ARHGEF19: variants seen among roughly 807,000 people sequenced by gnomAD.
ARHGEF19 encodes the protein Rho guanine nucleotide exchange factor (GEF) 19.
Under a neutral mutation model 87.6 loss-of-function variants are expected in ARHGEF19, and 92 were observed. The observed-to-expected ratio is 1.05, with a 90% CI of 0.89 to 1.25. The LOEUF (loss-of-function observed/expected upper bound fraction) is 1.25. ARHGEF19 is among the 50% of genes most tolerant of loss of function. The probability of loss-of-function intolerance (pLI) is 0.00; values close to 1 mark genes in which losing one functional copy is unlikely to be tolerated. For synonymous variants in ARHGEF19, 438 were observed against 446.2 expected, an observed-to-expected ratio of 0.98 and a Z score of 0.23; for missense variants, 1,054 against 1,051.8, an observed-to-expected ratio of 1.00 and a Z score of -0.03.
chr1:16,201,485 G>A (rs2081082989), intron 14 of ARHGEF19, among the ~76,000 whole-genome samples: 2 of 152,174 alleles, frequency 1.3e-5, no homozygotes, highest in Non-Finnish European at 2.9e-5. Context: ...TTACTGGCTG[G>A]GTGAACTTAC....
chr1:16,199,146 T>G lies in ARHGEF19; in HGVS notation c.2251+4A>C. 1 of 1,613,848 alleles carries G rather than the reference T, an allele frequency of 6.2e-7. No individual in the cohort carries two copies. The highest frequency in any genetic ancestry group is 1.1e-5 in the South Asian group (1 of 91,078). On this transcript the variant is annotated splice_donor_region_variant and intron_variant, in intron 15 of 15. Coordinates refer to ENST00000270747, the MANE Select transcript of ARHGEF19 (RefSeq NM_153213.5). ...AGGGACACTTTCCCAGGAGGCCCCC[T>G]CACCGTCACTGGTCCAGGTCCTCAC...
Position 16,207,944 on chromosome 1 carries a change from C to A in ARHGEF19, c.694G>T (p.Gly232Trp). 1 of 1,606,922 alleles carries A rather than the reference C, an allele frequency of 6.2e-7. No individual in the cohort carries two copies. The change falls in exon 3 of 16, where the codon GGG (glycine) becomes TGG (tryptophan). Residue 232 changes from glycine (G) to tryptophan (W), a missense_variant and splice_region_variant. Physicochemically the swap from Gly to Trp is radical, Grantham distance 184 (BLOSUM62 -2). Transcript: ENST00000270747. This position sits in a 1 kb window ranked among gnomAD's most constrained non-coding sequence, Gnocchi z 4.0. ...CAGGGCCCATGGGAGGAGCTGGTAC[C>A]TTCCCGGGCTGCTCCGGTGCCTGAC... is the stretch of plus-strand genomic sequence containing the variant. ...SGSGTGAARE[G>W]KASGMEARSV...
chr1:16,202,537 C>T lies in ARHGEF19; in HGVS notation c.1945G>A (p.Ala649Thr). Residue 649 changes from alanine (A) to threonine (T), a missense_variant, in exon 13 of 16, where the codon GCT becomes ACT. Transcript: ENST00000270747. ...KFAVFVHAKM[A>T]ELQVRDLSLK... Reference sequence around the variant, plus strand: ...CTCAGGTCCCGCACCTGCAGCTCAGCCATCTTGGCATGGACGAAAACGGCA... The same window carrying T: ...CTCAGGTCCCGCACCTGCAGCTCAGTCATCTTGGCATGGACGAAAACGGCA... 1 of 1,614,150 alleles carries T rather than the reference C, an allele frequency of 6.2e-7. No individual in the cohort carries two copies. Among genetic ancestry groups the T allele is most frequent in the Non-Finnish European group, 8.5e-7 (1 of 1,179,988 alleles).
rs749606046 is a variant in ARHGEF19, at chr1:16,206,998, C to A, written c.1087G>T (p.Gly363Cys). Residue 363 changes from glycine (G) to cysteine (C), a missense_variant, in exon 6 of 16, where the codon GGC becomes TGC. By Grantham distance (159) the Gly-to-Cys change is radical (BLOSUM62 -3). Transcript: ENST00000270747. This position sits in a 1 kb window ranked among gnomAD's most constrained non-coding sequence, Gnocchi z 4.6. ...SLWQDIPDVR[G>C]SGVLATLSLR... ...CTCAGCGTGGCCAGGACGCCGCTGCCGCGTACGTCGGGGATATCCTGCCAC... is the reference window on the plus strand; with the variant it reads ...CTCAGCGTGGCCAGGACGCCGCTGCAGCGTACGTCGGGGATATCCTGCCAC... 1.3e-6 allele frequency: 2 copies of A among 1,517,230 alleles called. No individual in the cohort carries two copies. Among genetic ancestry groups the A allele is most frequent in the Admixed American group, 2.1e-5 (1 of 47,612 alleles). The allele number at this position is 1,517,230 out of a possible 1,614,324, so 94.0% of individuals were successfully genotyped here. A position where few individuals can be genotyped will look rare whatever the true frequency, so the allele number is the denominator to read the frequency against.
chr1:16,208,637 A>G lies in ARHGEF19; in HGVS notation c.412+6T>C. ...ACCCACACCCGCCTTCCCCAGGGTG[A>G]CTCACAGGCAGACTTCTTCTCCGAG... On this transcript the variant is annotated splice_donor_region_variant and intron_variant, in intron 2 of 15. Transcript: ENST00000270747. 1 of 1,596,502 alleles carries G rather than the reference A, an allele frequency of 6.3e-7. No homozygotes were observed. Among genetic ancestry groups the G allele is most frequent in the Non-Finnish European group, 8.5e-7 (1 of 1,174,484 alleles).
Position 16,207,972 on chromosome 1 carries a change from A to G in ARHGEF19, c.666T>C (p.Ser222=). 1 of 1,577,192 alleles carries G rather than the reference A, an allele frequency of 6.3e-7. No individual in the cohort carries two copies. The highest frequency in any genetic ancestry group is 8.6e-7 in the Non-Finnish European group (1 of 1,163,354). The change falls in exon 3 of 16, where the codon TCT becomes TCC. Residue 222 remains serine, a synonymous_variant. Coordinates refer to ENST00000270747, the MANE Select transcript of ARHGEF19 (RefSeq NM_153213.5). This position sits in a 1 kb window ranked among gnomAD's most constrained non-coding sequence, Gnocchi z 4.0. ...CCCGGGCTGCTCCGGTGCCTGACCCAGAGATGAGTGCCCGGGCTGCTGAAT... is the reference window on the plus strand; with the variant it reads ...CCCGGGCTGCTCCGGTGCCTGACCCGGAGATGAGTGCCCGGGCTGCTGAAT... ...GRNSAARALI[S]GSGTGAAREG...
chr1:16,210,084 C>T (rs963542164), intron 1 of ARHGEF19, among the ~76,000 whole-genome samples: 2 of 152,262 alleles, frequency 1.3e-5, no homozygotes, highest in African/African-American at 4.8e-5. Context: ...GAGGCCCAAG[C>T]CCCCACAGCT....
At position 16,198,331 on chromosome 1, in the gene ARHGEF19, C is replaced by A. The variant is rs2081057297; in HGVS notation, c.*256G>T. The A allele has an allele frequency of 2.7e-6, 1 of 364,456 alleles. No homozygotes were observed. Among genetic ancestry groups the A allele is most frequent in the East Asian group, 4.3e-5 (1 of 23,502 alleles). 22.6% of individuals were successfully genotyped at this position (364,456 alleles called of 1,614,324 possible). ...GAGGGCCCCAGTCTTTGCCAGGTATCAGTGATCACCTGTTATGGTCCCCAT... is the reference window on the plus strand; with the variant it reads ...GAGGGCCCCAGTCTTTGCCAGGTATAAGTGATCACCTGTTATGGTCCCCAT... On this transcript the variant is annotated 3_prime_UTR_variant, in exon 16 of 16. Transcript: ENST00000270747. The surrounding 1 kb of genome is among the most constrained non-coding windows in gnomAD (Gnocchi z 4.1).
intron 12 of ARHGEF19, among the ~76,000 whole-genome samples, chr1:16,203,035 T>C (rs1292568067): frequency 2.0e-5 from 3 of 152,126 alleles, no homozygotes; most frequent in Non-Finnish European, 4.4e-5. Flanking sequence ...AAGAGCCAAC[T>C]GGACAGCTCC....
In ARHGEF19 at chr1:16,208,145, C is replaced by T. The variant is rs769946125; in HGVS notation, c.493G>A (p.Val165Ile). The change falls in exon 3 of 16, where the codon GTA becomes ATA. Residue 165 changes from valine to isoleucine, a missense_variant. Transcript: ENST00000270747. ...GTGCTCAGGGCCTGCTCTTGCACTACCTGGCCAGGCTCTAGGAAGACAGCG... is the reference window on the plus strand; with the variant it reads ...GTGCTCAGGGCCTGCTCTTGCACTATCTGGCCAGGCTCTAGGAAGACAGCG... ...AHAVFLEPGQ[V>I]VQEQALSTEE... 8.1e-6 allele frequency: 13 copies of T among 1,613,318 alleles called. No homozygotes were observed. Among genetic ancestry groups the T allele is most frequent in the Non-Finnish European group, 8.5e-7 (1 of 1,179,516 alleles).
chr1:16,207,926 C>A lies in ARHGEF19; in HGVS notation c.694+18G>T. ...CCGGCATCTGGCTGCCCTCAGGGCC[C>A]ATGGGAGGAGCTGGTACCTTCCCGG... On this transcript the variant is annotated intron_variant, in intron 3 of 15. Transcript: ENST00000270747. This position sits in a 1 kb window ranked among gnomAD's most constrained non-coding sequence, Gnocchi z 4.0. The A allele has an allele frequency of 6.3e-7, 1 of 1,599,942 alleles. No individual in the cohort carries two copies. The highest frequency in any genetic ancestry group is 8.5e-7 in the Non-Finnish European group (1 of 1,172,654).
intron 12 of ARHGEF19, 130 bp from the exon 13 acceptor site, chr1:16,202,704 G>A (rs2081094161): frequency 1.6e-6 from 2 of 1,220,848 alleles, no homozygotes; most frequent in South Asian, 3.0e-5. Flanking sequence ...TTCTCACAGG[G>A]TCCTGCTTCT....
At chr1:16,203,582 A>G (rs745815190) in intron 12 of ARHGEF19, among the ~76,000 whole-genome samples, 1 of 151,874 alleles carries the variant, frequency 6.6e-6, no homozygotes, top group Admixed American at 6.6e-5. Context: ...AAAAAGTCCA[A>G]CCTCTCTATC....
chr1:16,208,411 G>A (rs113618409), intron 2 of ARHGEF19, among the ~76,000 whole-genome samples, 186 bp from the exon 3 acceptor site: 1 of 152,308 alleles, frequency 6.6e-6, no homozygotes, highest in African/African-American at 2.4e-5. Context: ...AGAGCACAGG[G>A]CCTGGCTGCA....
Position 16,198,309 on chromosome 1 carries a change from G to A in ARHGEF19, c.*278C>T, listed in dbSNP as rs1229578538. 6.4e-6 allele frequency: 2 copies of A among 312,680 alleles called. No homozygotes were observed. Among genetic ancestry groups the A allele is most frequent in the African/African-American group, 4.3e-5 (2 of 46,944 alleles). The allele number at this position is 312,680 out of a possible 1,614,324, so 19.4% of individuals were successfully genotyped here. A position where few individuals can be genotyped will look rare whatever the true frequency, so the allele number is the denominator to read the frequency against. On this transcript the variant is annotated 3_prime_UTR_variant, in exon 16 of 16. Coordinates refer to ENST00000270747, the MANE Select transcript of ARHGEF19 (RefSeq NM_153213.5). This position sits in a 1 kb window ranked among gnomAD's most constrained non-coding sequence, Gnocchi z 4.1. ...AGGATTGAGGACATAGAAAGGAGAG[G>A]GCCCCAGTCTTTGCCAGGTATCAGT... is the stretch of plus-strand genomic sequence containing the variant.
rs763517010 is a variant in ARHGEF19, at chr1:16,205,652, C to G, written c.1467G>C (p.Arg489Ser). ...CCAGGCGAGCCAGGATGCCAGGGAA[C>G]CTGGGGTTCTCCAGGCTGGAAAATG... is the stretch of plus-strand genomic sequence containing the variant. ...TYQRLLLENP[R>S]FPGILARLEE... Residue 489 changes from arginine to serine, a missense_variant, in exon 9 of 16, where the codon AGG (arginine) becomes AGC (serine). Arg to Ser is a moderately radical substitution (Grantham distance 110). Coordinates refer to ENST00000270747, the MANE Select transcript of ARHGEF19 (RefSeq NM_153213.5). The surrounding 1 kb of genome is among the most constrained non-coding windows in gnomAD (Gnocchi z 5.8). The G allele has an allele frequency of 1.2e-6, 2 of 1,610,186 alleles. No homozygotes were observed. The highest frequency in any genetic ancestry group is 1.7e-4 in the Middle Eastern group (1 of 6,044).
At chr1:16,202,809 C>G (rs2081094805) in intron 12 of ARHGEF19, among the ~76,000 whole-genome samples, 1 of 152,204 alleles carries the variant, frequency 6.6e-6, no homozygotes, top group South Asian at 2.1e-4. Context: ...AGTCCCTGAG[C>G]CCCAAGCACA....
Position 16,206,815 on chromosome 1 carries a change from C to G in ARHGEF19, c.1137+133G>C. Reference sequence around the variant, plus strand: ...CGTGTAGTCAGGTCCTAGAGCCAACCTTCCGCGCGGACAGTCGCGCCAGCA... The same window carrying G: ...CGTGTAGTCAGGTCCTAGAGCCAACGTTCCGCGCGGACAGTCGCGCCAGCA... On this transcript the variant is annotated intron_variant, in intron 6 of 15. Transcript: ENST00000270747. The surrounding 1 kb of genome is among the most constrained non-coding windows in gnomAD (Gnocchi z 4.6). 9.1e-6 allele frequency: 11 copies of G among 1,202,938 alleles called. No homozygotes were observed. The highest frequency in any genetic ancestry group is 1.1e-5 in the Non-Finnish European group (10 of 915,672). 74.5% of individuals were successfully genotyped at this position (1,202,938 alleles called of 1,614,324 possible).
intron 14 of ARHGEF19, among the ~76,000 whole-genome samples, chr1:16,200,616 C>T (rs998694485): frequency 6.6e-6 from 1 of 152,124 alleles, no homozygotes; most frequent in East Asian, 1.9e-4. Context: ...TGGTGGCAGG[C>T]GCCTATAATC....
Sources: allele counts gnomAD v4.1 joint callset (sites outside exome capture counted in the v4.1 genomes callset), GRCh38; gene constraint gnomAD v4.1.1; non-coding constraint Gnocchi (gnomAD v3.1); transcripts MANE v1.5; gene names NCBI Gene and HGNC (gene_info 2026-07-23, HGNC 2026-07-21).